DLGAP1: variants seen among roughly 807,000 people sequenced by gnomAD.
DLGAP1 encodes DLG associated protein 1.
Under a neutral mutation model 90.8 loss-of-function variants are expected in DLGAP1, and 11 were observed. The ratio of observed to expected loss-of-function variants is 0.12; its 90% CI spans 0.08 to 0.20. The LOEUF (loss-of-function observed/expected upper bound fraction) is 0.20. Ranked by LOEUF, DLGAP1 falls within the 10% of genes least tolerant of loss-of-function variation. The pLI, the probability that DLGAP1 is intolerant of heterozygous loss-of-function variation, is 1.00. For missense variants in DLGAP1, 1,050 were observed against 1,333.8 expected (o/e 0.79, Z 3.31); for synonymous variants, 558 against 540.7 (o/e 1.03, Z -0.44).
intron 3 of DLGAP1, among the ~76,000 whole-genome samples, chr18:3,947,115 AG>A (rs1260898070): frequency 1.3e-5 from 2 of 152,120 alleles, no homozygotes; most frequent in Non-Finnish European, 2.9e-5. Context: ...GTTTTTTCCT[AG>A]GCTACACACA....
At chr18:3,863,989 G>A (rs2070239298) in intron 4 of DLGAP1, among the ~76,000 whole-genome samples, 2 of 152,268 alleles carry the variant, frequency 1.3e-5, no homozygotes, top group South Asian at 4.1e-4. Context: ...AATAAATTCT[G>A]TTCTCCACTT....
chr18:4,180,419 C>T (rs1339441694), intron 1 of DLGAP1, among the ~76,000 whole-genome samples: 2 of 152,148 alleles, frequency 1.3e-5, no homozygotes, highest in African/African-American at 4.8e-5. Flanking sequence ...AAATTCCACA[C>T]ATTTGACATT....
At chr18:3,983,879 A>G (rs1317002738) in intron 3 of DLGAP1, 1 of 152,206 alleles carries the variant, frequency 6.6e-6, no homozygotes, top group Non-Finnish European at 1.5e-5. Context: ...CAACACCCCT[A>G]TAATGACTGA....
chr18:3,756,367 A>G (rs2063721594), intron 5 of DLGAP1, among the ~76,000 whole-genome samples: 1 of 152,014 alleles, frequency 6.6e-6, no homozygotes, highest in Non-Finnish European at 1.5e-5. Context: ...ACATTTTTAA[A>G]AACTGTAGGT....
chr18:3,858,543 C>T (rs59229868), intron 4 of DLGAP1, among the ~76,000 whole-genome samples: 17,775 of 150,756 alleles, frequency 0.12, 1,126 homozygotes, highest in Admixed American at 0.15. Flanking sequence ...CACACACACA[C>T]ACATATATAT....
chr18:3,973,271 T>C (rs1179241545), intron 3 of DLGAP1, among the ~76,000 whole-genome samples: 4 of 115,384 alleles, frequency 3.5e-5, no homozygotes, highest in Admixed American at 1.0e-4. Context: ...TAAAAGAGAA[T>C]AGTCAGAATA....
In DLGAP1 at chr18:4,342,061, G is replaced by T. The variant is rs2081201717; in HGVS notation, c.-267+112945C>A. On this transcript the variant is annotated intron_variant, in intron 1 of 12. Coordinates refer to ENST00000315677, the MANE Select transcript of DLGAP1 (RefSeq NM_004746.4). This position sits in a 1 kb window ranked among gnomAD's most constrained non-coding sequence, Gnocchi z 5.8. ...TCTTCAGAATTTCTGAGCGGATAAA[G>T]TCCTCGGCATGCGGTGAACACTAAA... Among the ~76,000 whole-genome samples, 1 of 152,012 alleles carries T rather than the reference G, an allele frequency of 6.6e-6. No individual in the cohort carries two copies. Among genetic ancestry groups the T allele is most frequent in the Admixed American group, 6.6e-5 (1 of 15,266 alleles).
intron 10 of DLGAP1, among the ~76,000 whole-genome samples, chr18:3,516,111 G>A: frequency 6.6e-6 from 1 of 152,060 alleles, no homozygotes; most frequent in East Asian, 1.9e-4. Flanking sequence ...CACGAAGGTT[G>A]GAATCAACCT....
At chr18:4,086,177 T>C (rs1462694255) in intron 2 of DLGAP1, among the ~76,000 whole-genome samples, 1 of 151,806 alleles carries the variant, frequency 6.6e-6, no homozygotes, top group Admixed American at 6.6e-5. Context: ...GGGAGTGGGG[T>C]GATGAAGGAC....
intron 2 of DLGAP1, among the ~76,000 whole-genome samples, chr18:4,139,415 T>A (rs938371379): frequency 2.6e-5 from 4 of 152,048 alleles, no homozygotes; most frequent in African/African-American, 9.7e-5. Flanking sequence ...AATTTACATG[T>A]CTTTGCATAG....
At chr18:3,941,654 T>C (rs1242773042) in intron 3 of DLGAP1, among the ~76,000 whole-genome samples, 1 of 152,198 alleles carries the variant, frequency 6.6e-6, no homozygotes, top group Non-Finnish European at 1.5e-5. Context: ...CAGAACTTAA[T>C]ATTTTTTGTA....
At chr18:3,941,710 T>C (rs1159917325) in intron 3 of DLGAP1, among the ~76,000 whole-genome samples, 1 of 152,190 alleles carries the variant, frequency 6.6e-6, no homozygotes, top group Non-Finnish European at 1.5e-5. Context: ...CATTATATTG[T>C]AATTATAAGT....
chr18:4,398,767 G>C (rs1352620935), intron 1 of DLGAP1, among the ~76,000 whole-genome samples: 1 of 152,084 alleles, frequency 6.6e-6, no homozygotes, highest in Non-Finnish European at 1.5e-5. Flanking sequence ...TCACAAACCT[G>C]GAAGAATTTT....
Position 3,633,673 on chromosome 18 carries a change from C to T in DLGAP1, c.1592-51425G>A, listed in dbSNP as rs575726524. On this transcript the variant is annotated intron_variant, in intron 7 of 12. Transcript: ENST00000315677. ...TTCTACAAATTCTGTAATGAAGTTC[C>T]TTTATATTTTGTGATTCCTTAGATA... 1.1e-4 allele frequency among the ~76,000 whole-genome samples: 17 copies of T among 152,194 alleles called. No homozygotes were observed. In the South Asian group the frequency reaches 3.5e-3, roughly 32 times the overall value.
chr18:4,116,885 C>G (rs1266502748), intron 2 of DLGAP1, among the ~76,000 whole-genome samples: 1 of 152,186 alleles, frequency 6.6e-6, no homozygotes, highest in African/African-American at 2.4e-5. Flanking sequence ...TGCCTTTCTT[C>G]TGTCTGTGTA....
chr18:4,308,969 A>C (rs1236427075), intron 1 of DLGAP1, among the ~76,000 whole-genome samples: 2 of 152,230 alleles, frequency 1.3e-5, no homozygotes, highest in East Asian at 3.8e-4. Context: ...CGGATTGAAA[A>C]GTAAACACCT....
At chr18:4,072,058 A>AGGACATATGC (rs1334833765) in intron 2 of DLGAP1, among the ~76,000 whole-genome samples, 1 of 152,208 alleles carries the variant, frequency 6.6e-6, no homozygotes, top group Non-Finnish European at 1.5e-5. Flanking sequence ...GTAGAGGCTG[A>AGGACATATGC]GGACATATGC....
intron 7 of DLGAP1, among the ~76,000 whole-genome samples, chr18:3,633,056 C>T (rs1015385810): frequency 1.3e-5 from 2 of 152,158 alleles, no homozygotes; most frequent in African/African-American, 2.4e-5. Flanking sequence ...ACGCCTTGGG[C>T]AAGTTTTGGG....
intron 1 of DLGAP1, among the ~76,000 whole-genome samples, chr18:4,440,477 T>A (rs12455001): frequency 6.6e-6 from 1 of 152,064 alleles, no homozygotes; most frequent in East Asian, 1.9e-4. Flanking sequence ...TAATTAATGC[T>A]TTACTATCGG....
Sources: allele counts gnomAD v4.1 joint callset (sites outside exome capture counted in the v4.1 genomes callset), GRCh38; gene constraint gnomAD v4.1.1; non-coding constraint Gnocchi (gnomAD v3.1); transcripts MANE v1.5; gene names NCBI Gene and HGNC (gene_info 2026-07-23, HGNC 2026-07-21).